ZPBP: variants seen among roughly 807,000 people sequenced by gnomAD.
The protein encoded by ZPBP is zona pellucida-binding protein 1.
Under a neutral mutation model 44.8 loss-of-function variants are expected in ZPBP, and 26 were observed. The ratio of observed to expected loss-of-function variants is 0.58; its 90% CI spans 0.43 to 0.81. The LOEUF (loss-of-function observed/expected upper bound fraction) is 0.81, where lower values mean the gene tolerates loss of function less well. ZPBP is among the 30% of genes least tolerant of loss of function. ZPBP has a pLI of 0.00. For missense variants in ZPBP, 409 were observed against 434.0 expected (o/e 0.94, Z 0.51); for synonymous variants, 174 against 153.2 (o/e 1.14, Z -1.00).
chr7:50,029,905 A>C (rs7788589), intron 5 of ZPBP, among the ~76,000 whole-genome samples: 117,112 of 152,110 alleles, frequency 0.77, 45,179 homozygotes, highest in East Asian at 0.87. Context: ...AGCCAGGCTG[A>C]AGTGCAGTGG....
intron 3 of ZPBP, among the ~76,000 whole-genome samples, chr7:50,075,869 T>C (rs1802051419): frequency 6.6e-6 from 1 of 151,750 alleles, no homozygotes; most frequent in African/African-American, 2.4e-5. Context: ...TTCTGAAAAA[T>C]AGAAGAAGAG....
chr7:49,845,071 G>A, the ZPBP span, among the ~76,000 whole-genome samples: 5,538 of 152,186 alleles, frequency 0.036, 137 homozygotes, highest in Middle Eastern at 0.068. Context: ...ATAAATGGGA[G>A]CTGAACGATG....
chr7:49,941,668 T>C (rs1475295209), intron 7 of ZPBP, among the ~76,000 whole-genome samples: 3 of 152,138 alleles, frequency 2.0e-5, no homozygotes, highest in African/African-American at 7.2e-5. Flanking sequence ...AGACATATCA[T>C]GTTCATGGGT....
intron 6 of ZPBP, among the ~76,000 whole-genome samples, chr7:50,016,544 T>C (rs2128804472): frequency 6.6e-6 from 1 of 152,034 alleles, no homozygotes; most frequent in Middle Eastern, 3.4e-3. Context: ...ACCCCCTGAA[T>C]GTAAAAGAAA....
chr7:49,875,395 A>C (rs1342622888), intron 2 of ZPBP, among the ~76,000 whole-genome samples: 9 of 149,594 alleles, frequency 6.0e-5, no homozygotes, highest in African/African-American at 2.0e-4. Flanking sequence ...AAAAAAAAAA[A>C]AACAGGAATA....
At chr7:49,909,146 A>C (rs892047122) in intron 1 of ZPBP, among the ~76,000 whole-genome samples, 1 of 152,244 alleles carries the variant, frequency 6.6e-6, no homozygotes, top group African/African-American at 2.4e-5. Context: ...ATAACTATTA[A>C]GTACCAGATT....
chr7:50,039,036 A>T (rs151220702), intron 4 of ZPBP, among the ~76,000 whole-genome samples: 10 of 152,354 alleles, frequency 6.6e-5, no homozygotes, highest in Admixed American at 2.0e-4. Context: ...TTTCTGACAA[A>T]AATTTGTAAA....
At chr7:49,891,226 G>C (rs1792114987) in intron 2 of ZPBP, among the ~76,000 whole-genome samples, 1 of 152,130 alleles carries the variant, frequency 6.6e-6, no homozygotes, top group Non-Finnish European at 1.5e-5. Context: ...AGACAAAGTA[G>C]ATTTTAAGGC....
chr7:50,082,126 T>C (rs1347622878), intron 2 of ZPBP, among the ~76,000 whole-genome samples: 1 of 151,950 alleles, frequency 6.6e-6, no homozygotes, highest in East Asian at 1.9e-4. Context: ...TGTGTACATG[T>C]ATCCCCAACC....
At chr7:50,030,792 T>G (rs1799573061) in intron 5 of ZPBP, among the ~76,000 whole-genome samples, 1 of 152,188 alleles carries the variant, frequency 6.6e-6, no homozygotes, top group African/African-American at 2.4e-5. Context: ...TATAATTAGA[T>G]GATTTTACAA....
chr7:50,048,851 G>A (rs1037205509), intron 4 of ZPBP, among the ~76,000 whole-genome samples: 15 of 151,990 alleles, frequency 9.9e-5, no homozygotes, highest in African/African-American at 3.6e-4. Flanking sequence ...GCAGAGATAA[G>A]TGATATAATA....
At chr7:49,848,444 G>A (rs1401024460), downstream of ZPBP, among the ~76,000 whole-genome samples, 2 of 152,222 alleles carry the variant, frequency 1.3e-5, no homozygotes, top group African/African-American at 4.8e-5. Flanking sequence ...AGGACACATG[G>A]GATCCTCTGT....
At chr7:49,911,480 C>CAAAAAAAAA (rs34782644) in intron 1 of ZPBP, among the ~76,000 whole-genome samples, 2 of 71,634 alleles carry the variant, frequency 2.8e-5, no homozygotes, top group Non-Finnish European at 4.9e-5. Flanking sequence ...GACTCTGTCT[C>CAAAAAAAAA]AAAAAAAAAA....
At chr7:50,071,420 T>C (rs1054761835) in intron 3 of ZPBP, among the ~76,000 whole-genome samples, 2 of 152,188 alleles carry the variant, frequency 1.3e-5, no homozygotes, top group South Asian at 2.1e-4. Context: ...CCAAGTAAAC[T>C]TGAAAGGCAA....
At chr7:50,011,189 C>T (rs1398035863) in intron 6 of ZPBP, among the ~76,000 whole-genome samples, 3 of 152,154 alleles carry the variant, frequency 2.0e-5, no homozygotes, top group Admixed American at 2.0e-4. Flanking sequence ...GGATCCTCAT[C>T]TCTCACCTTA....
intron 2 of ZPBP, among the ~76,000 whole-genome samples, chr7:50,086,515 G>C (rs2128855642): frequency 6.6e-6 from 1 of 151,988 alleles, no homozygotes; most frequent in Non-Finnish European, 1.5e-5. Context: ...TATCAATAAA[G>C]ATACAAAAAT....
intron 1 of ZPBP, among the ~76,000 whole-genome samples, chr7:49,931,948 C>T (rs1794461021): frequency 2.6e-5 from 4 of 152,250 alleles, no homozygotes; most frequent in East Asian, 1.9e-4. Flanking sequence ...CAGGTCACTG[C>T]TTCAGAGGGA....
chr7:50,056,725 C>T (rs775822379), intron 4 of ZPBP, among the ~76,000 whole-genome samples: 1 of 152,298 alleles, frequency 6.6e-6, no homozygotes, highest in South Asian at 2.1e-4. Context: ...TTCCAGCTCC[C>T]TTTCTAGCCT....
chr7:49,848,466 C>T (rs1055124795), downstream of ZPBP, among the ~76,000 whole-genome samples: 20 of 152,230 alleles, frequency 1.3e-4, no homozygotes, highest in Non-Finnish European at 4.4e-5. Context: ...TCCAGCCCAC[C>T]TGCCCAGGGT....
Sources: allele counts gnomAD v4.1 joint callset (sites outside exome capture counted in the v4.1 genomes callset), GRCh38; gene constraint gnomAD v4.1.1; transcripts MANE v1.5; gene names NCBI Gene and HGNC (gene_info 2026-07-23, HGNC 2026-07-21).